CD38: variants seen among roughly 807,000 people sequenced by gnomAD.
CD38 encodes CD38 molecule.
A neutral mutation model predicts 36.3 loss-of-function variants in CD38; 31 were observed. That is an observed-to-expected ratio of 0.85 (90% confidence interval 0.64 to 1.15). The LOEUF (loss-of-function observed/expected upper bound fraction) is 1.15. Ranked by LOEUF, CD38 falls within the 50% of genes most tolerant of loss-of-function variation. The pLI, the probability that CD38 is intolerant of heterozygous loss-of-function variation, is 0.00. For synonymous variants in CD38, 131 were observed against 135.2 expected, an observed-to-expected ratio of 0.97 and a Z score of 0.22; for missense variants, 380 against 371.9, an observed-to-expected ratio of 1.02 and a Z score of -0.18.
At chr4:15,841,546 C>CAGATATCTGACCA (rs1560321454) in intron 7 of CD38, among the ~76,000 whole-genome samples, 3 of 151,380 alleles carry the variant, frequency 2.0e-5, no homozygotes, top group African/African-American at 7.4e-5. Flanking sequence ...AGCAATCTTG[C>CAGATATCTGACCA]GGCGGAGGAG....
intron 1 of CD38, among the ~76,000 whole-genome samples, chr4:15,792,857 AGTTTTATAATTGATTT>A (rs1723034195): frequency 6.6e-6 from 1 of 152,242 alleles, no homozygotes; most frequent in Admixed American, 6.5e-5. Context: ...TTTAAAATGT[AGTTTTATAATTGATTT>A]GTTCTAATCA....
At chr4:15,788,496 G>A (rs1722890089) in intron 1 of CD38, among the ~76,000 whole-genome samples, 1 of 152,078 alleles carries the variant, frequency 6.6e-6, no homozygotes, top group Admixed American at 6.6e-5. Flanking sequence ...CAAACAGAGG[G>A]GAGGCAGGAT....
intron 1 of CD38, among the ~76,000 whole-genome samples, chr4:15,799,083 G>A (rs969473075): frequency 7.9e-5 from 12 of 152,204 alleles, no homozygotes; most frequent in Middle Eastern, 3.4e-3. Context: ...TTTAAGAACT[G>A]ATTTCTTTAA....
intron 3 of CD38, among the ~76,000 whole-genome samples, chr4:15,833,960 T>C (rs1248533866): frequency 6.6e-6 from 1 of 152,222 alleles, no homozygotes; most frequent in Non-Finnish European, 1.5e-5. Context: ...AGATGAACTT[T>C]TGGTAGCATT....
intron 1 of CD38, among the ~76,000 whole-genome samples, chr4:15,780,745 G>C (rs1722679562): frequency 1.3e-5 from 2 of 152,094 alleles, no homozygotes; most frequent in African/African-American, 2.4e-5. Context: ...GTTTGCTCTT[G>C]ATTCTGCTTT....
rs992474139 is a variant in CD38, at chr4:15,850,598, A to C, written c.*1996A>C. On this transcript the variant is annotated 3_prime_UTR_variant, in exon 8 of 8. Coordinates refer to ENST00000226279, the MANE Select transcript of CD38 (RefSeq NM_001775.4). The stretch of plus-strand genomic sequence containing the variant: ...GAGCTTCCTAAATAAGCAAGCACTC[A>C]ACAGAGTTGGTTCCTTTCTTCCTCC... 5 of 152,328 alleles carry C rather than the reference A, an allele frequency of 3.3e-5. No individual in the cohort carries two copies. Among genetic ancestry groups the C allele is most frequent in the African/African-American group, 1.2e-4 (5 of 41,462 alleles). 9.4% of individuals were successfully genotyped at this position (152,328 alleles called of 1,614,324 possible).
At chr4:15,779,621 G>A (rs1465742523) in intron 1 of CD38, among the ~76,000 whole-genome samples, 1 of 152,166 alleles carries the variant, frequency 6.6e-6, no homozygotes, top group African/African-American at 2.4e-5. Context: ...ACACTCAACA[G>A]TTCCGGTTGC....
chr4:15,787,989 C>T (rs1383001842), intron 1 of CD38, among the ~76,000 whole-genome samples: 1 of 152,216 alleles, frequency 6.6e-6, no homozygotes, highest in African/African-American at 2.4e-5. Context: ...ACCCACTCCT[C>T]GCCCTCTGCG....
At chr4:15,800,498 A>G (rs1723196092) in intron 1 of CD38, among the ~76,000 whole-genome samples, 1 of 152,218 alleles carries the variant, frequency 6.6e-6, no homozygotes, top group South Asian at 2.1e-4. Flanking sequence ...TTAGCCATCT[A>G]AAAATTTATA....
At chr4:15,841,625 T>C (rs1241105817) in intron 7 of CD38, among the ~76,000 whole-genome samples, 5 of 149,988 alleles carry the variant, frequency 3.3e-5, no homozygotes, top group Non-Finnish European at 7.4e-5. Flanking sequence ...AGACGGGTGA[T>C]TTCTGCATTT....
rs1724327395 is a variant in CD38 at position 15,848,978 on chromosome 4, A to C, written c.*376A>C. On this transcript the variant is annotated 3_prime_UTR_variant, in exon 8 of 8. Transcript: ENST00000226279. ...GGCAAGTGAAGAAAAGTGAATGCTCAAGTTTTTCAGAAAGCATTACATTTC... is the reference window on the plus strand; with the variant it reads ...GGCAAGTGAAGAAAAGTGAATGCTCCAGTTTTTCAGAAAGCATTACATTTC... 1 of 162,380 alleles carries C rather than the reference A, an allele frequency of 6.2e-6. No homozygotes were observed. The highest frequency in any genetic ancestry group is 1.3e-5 in the Non-Finnish European group (1 of 74,684). The allele number at this position is 162,380 out of a possible 1,614,324, so 10.1% of individuals were successfully genotyped here.
At chr4:15,847,492 T>C (rs1724281515) in intron 7 of CD38, among the ~76,000 whole-genome samples, 1 of 101,452 alleles carries the variant, frequency 9.9e-6, no homozygotes, top group Non-Finnish European at 1.9e-5. Context: ...CGCACCAGCA[T>C]GGCACATGTA....
chr4:15,820,883 TA>T (rs1723717747), intron 2 of CD38, among the ~76,000 whole-genome samples: 1 of 152,194 alleles, frequency 6.6e-6, no homozygotes, highest in Admixed American at 6.5e-5. Context: ...CAACAGAATA[TA>T]CATTATTATT....
At chr4:15,806,309 C>G (rs566979878) in intron 1 of CD38, among the ~76,000 whole-genome samples, 1 of 152,316 alleles carries the variant, frequency 6.6e-6, no homozygotes, top group Non-Finnish European at 1.5e-5. Flanking sequence ...CTCAGATCCT[C>G]ATTTCTGTTA....
chr4:15,833,669 G>A (rs576099135), intron 3 of CD38, among the ~76,000 whole-genome samples: 1 of 152,246 alleles, frequency 6.6e-6, no homozygotes, highest in East Asian at 1.9e-4. Flanking sequence ...TGTGCATTAA[G>A]GCAGATATCC....
At chr4:15,803,376 G>A (rs1723269906) in intron 1 of CD38, among the ~76,000 whole-genome samples, 1 of 152,142 alleles carries the variant, frequency 6.6e-6, no homozygotes, top group African/African-American at 2.4e-5. Context: ...TTTGCAAACG[G>A]TTTCTCTGAC....
intron 7 of CD38, among the ~76,000 whole-genome samples, chr4:15,841,806 C>T (rs1329715994): frequency 7.2e-6 from 1 of 139,628 alleles, no homozygotes; most frequent in Non-Finnish European, 1.5e-5. Context: ...GACGGACGCA[C>T]CTGGAAAATC....
At chr4:15,790,456 A>G (rs998276368) in intron 1 of CD38, among the ~76,000 whole-genome samples, 5 of 150,542 alleles carry the variant, frequency 3.3e-5, no homozygotes, top group Non-Finnish European at 7.4e-5. Context: ...GGGATTGCGG[A>G]CGGAGTCTCG....
At chr4:15,804,341 C>T (rs1033893795) in intron 1 of CD38, among the ~76,000 whole-genome samples, 2 of 152,132 alleles carry the variant, frequency 1.3e-5, no homozygotes, top group East Asian at 1.9e-4. Context: ...TAAATTAGTA[C>T]AGCTATTATG....
Sources: allele counts gnomAD v4.1 joint callset (sites outside exome capture counted in the v4.1 genomes callset), GRCh38; gene constraint gnomAD v4.1.1; transcripts MANE v1.5; gene names NCBI Gene and HGNC (gene_info 2026-07-23, HGNC 2026-07-21).